The following PCDH9 variants were observed in gnomAD, a reference collection of about 807,000 sequenced individuals.
PCDH9 encodes protocadherin-9.
A neutral mutation model predicts 70.6 loss-of-function variants in PCDH9; 24 were observed. The ratio of observed to expected loss-of-function variants is 0.34; its 90% confidence interval spans 0.25 to 0.48. The LOEUF is 0.48. Ranked by LOEUF, PCDH9 falls within the 20% of genes least tolerant of loss-of-function variation. The pLI is 0.99. For synonymous variants in PCDH9, 562 were observed against 558.5 expected (o/e 1.01, Z -0.09); for missense variants, 1,281 against 1,503.6 (o/e 0.85, Z 2.45).
chr13:67,109,616 T>C (rs930389281), intron 2 of PCDH9, among the ~76,000 whole-genome samples: 2 of 152,196 alleles, frequency 1.3e-5, no homozygotes, highest in African/African-American at 2.4e-5. Flanking sequence ...TAAAAGTCTC[T>C]ATAAAAGTTT....
intron 2 of PCDH9, among the ~76,000 whole-genome samples, chr13:66,938,202 T>A (rs1329165666): frequency 6.6e-6 from 1 of 152,184 alleles, no homozygotes; most frequent in Non-Finnish European, 1.5e-5. Context: ...CACAATGACA[T>A]AATTGGTTAT....
chr13:66,903,740 G>T, intron 2 of PCDH9, 135 bp from the exon 3 acceptor site: 2 of 421,956 alleles, frequency 4.7e-6, no homozygotes, highest in South Asian at 6.1e-5. Context: ...AGAGATACAT[G>T]CATTAAGATT....
intron 3 of PCDH9, among the ~76,000 whole-genome samples, chr13:66,716,045 A>G (rs924632095): frequency 6.6e-6 from 1 of 152,250 alleles, no homozygotes; most frequent in Non-Finnish European, 1.5e-5. Flanking sequence ...AAATTATATG[A>G]AATAGAATTA....
intron 2 of PCDH9, chr13:67,212,503 T>A (rs2089489468): frequency 6.6e-6 from 1 of 152,140 alleles, no homozygotes; most frequent in African/African-American, 2.4e-5. Context: ...ATTTATTAGA[T>A]GTGTGTTGAA....
chr13:66,675,561 T>C (rs1017206668), intron 3 of PCDH9, among the ~76,000 whole-genome samples: 2 of 152,076 alleles, frequency 1.3e-5, no homozygotes, highest in African/African-American at 4.8e-5. Context: ...GGATAAAATC[T>C]TTCATTCATG....
At chr13:66,947,110 G>A (rs1262611976) in intron 2 of PCDH9, among the ~76,000 whole-genome samples, 2 of 152,150 alleles carry the variant, frequency 1.3e-5, no homozygotes, top group Admixed American at 1.3e-4. Flanking sequence ...TCTCTTTGAG[G>A]TGTAGCTGGT....
chr13:66,588,554 T>C (rs2076995335), intron 4 of PCDH9, among the ~76,000 whole-genome samples: 1 of 151,892 alleles, frequency 6.6e-6, no homozygotes, highest in African/African-American at 2.4e-5. Flanking sequence ...ACTTCATATG[T>C]TTAAACTTTT....
chr13:67,107,979 C>T (rs932430848), intron 2 of PCDH9, among the ~76,000 whole-genome samples: 3 of 152,176 alleles, frequency 2.0e-5, no homozygotes, highest in Non-Finnish European at 4.4e-5. Context: ...TGCAGTACAT[C>T]TGGTCCAGCC....
chr13:66,327,128 A>G (rs1233969470), intron 4 of PCDH9, among the ~76,000 whole-genome samples: 1 of 152,202 alleles, frequency 6.6e-6, no homozygotes, highest in Non-Finnish European at 1.5e-5. Flanking sequence ...TCTGAAGTAA[A>G]TACACCAAGT....
At chr13:66,321,549 G>C (rs553437751) in intron 4 of PCDH9, among the ~76,000 whole-genome samples, 3 of 151,946 alleles carry the variant, frequency 2.0e-5, no homozygotes, top group South Asian at 4.2e-4. Context: ...TGTTTGGCTG[G>C]CTGCCTATCT....
At chr13:66,436,895 G>A (rs996645501) in intron 4 of PCDH9, among the ~76,000 whole-genome samples, 1 of 151,696 alleles carries the variant, frequency 6.6e-6, no homozygotes, top group African/African-American at 2.4e-5. Context: ...TATTTACTCA[G>A]AAACTACACA....
chr13:66,436,176 T>C (rs147392795), intron 4 of PCDH9, among the ~76,000 whole-genome samples: 67 of 152,322 alleles, frequency 4.4e-4, no homozygotes, highest in African/African-American at 1.2e-3. Flanking sequence ...ATTGCCATTG[T>C]GGCACTGTTA....
intron 2 of PCDH9, among the ~76,000 whole-genome samples, chr13:66,994,385 G>A (rs1264780692): frequency 6.6e-6 from 1 of 152,192 alleles, no homozygotes; most frequent in Non-Finnish European, 1.5e-5. Flanking sequence ...TCTCCCTCTA[G>A]CGTGCCCTAC....
At chr13:66,547,171 T>A (rs9540804) in intron 4 of PCDH9, among the ~76,000 whole-genome samples, 1 of 152,058 alleles carries the variant, frequency 6.6e-6, no homozygotes, top group Non-Finnish European at 1.5e-5. Context: ...TTCTTATTTG[T>A]AATGTCAGCA....
At chr13:66,998,364 C>T (rs1407177001) in intron 2 of PCDH9, among the ~76,000 whole-genome samples, 3 of 152,194 alleles carry the variant, frequency 2.0e-5, no homozygotes, top group Non-Finnish European at 2.9e-5. Flanking sequence ...TCTTCAACTA[C>T]CACACATGCC....
At chr13:67,115,514 A>G (rs1458256170) in intron 2 of PCDH9, among the ~76,000 whole-genome samples, 7 of 152,174 alleles carry the variant, frequency 4.6e-5, no homozygotes, top group African/African-American at 1.7e-4. Flanking sequence ...TCTTTTCCCA[A>G]AATAAAGGTG....
At chr13:66,874,945 G>GAC (rs2081773967) in intron 3 of PCDH9, among the ~76,000 whole-genome samples, 3 of 146,820 alleles carry the variant, frequency 2.0e-5, no homozygotes, top group African/African-American at 7.9e-5. Context: ...GTGTGTGTGA[G>GAC]AGAGAGAGAG....
intron 4 of PCDH9, among the ~76,000 whole-genome samples, chr13:66,611,136 C>A (rs748010851): frequency 1.3e-4 from 20 of 152,162 alleles, no homozygotes; most frequent in Non-Finnish European, 2.6e-4. Flanking sequence ...TCAATGAAAC[C>A]AATGCCTGAA....
chr13:66,358,710 A>G (rs1177236923), intron 4 of PCDH9, among the ~76,000 whole-genome samples: 1 of 151,932 alleles, frequency 6.6e-6, no homozygotes, highest in African/African-American at 2.4e-5. Flanking sequence ...AAATAAGTGT[A>G]TTGTTTATTT....
Sources: gnomAD v4.1 joint callset for allele counts (sites outside exome capture counted in the v4.1 genomes callset) on GRCh38, gnomAD v4.1.1 for gene constraint, MANE v1.5 for transcripts, NCBI Gene and HGNC (gene_info 2026-07-23, HGNC 2026-07-21) for gene names.